Variants in ADAMTS17 observed in about 807,000 individuals in gnomAD.
ADAMTS17 encodes A disintegrin and metalloproteinase with thrombospondin motifs 17.
In ADAMTS17, 113 loss-of-function variants were observed where a neutral mutation model predicts 141.5. That is an observed-to-expected ratio of 0.80 (90% CI 0.69 to 0.93). The LOEUF (loss-of-function observed/expected upper bound fraction) is 0.93. Among genes scored for constraint, ADAMTS17 ranks in the 40% least tolerant of loss-of-function variants. The pLI is 0.00. For synonymous variants in ADAMTS17, 768 were observed against 630.6 expected (o/e 1.22, Z -3.27); for missense variants, 1,659 against 1,517.9 (o/e 1.09, Z -1.54).
chr15:100,176,973 T>C (rs1022955983), intron 8 of ADAMTS17, among the ~76,000 whole-genome samples: 4 of 152,242 alleles, frequency 2.6e-5, no homozygotes, highest in Non-Finnish European at 4.4e-5. Flanking sequence ...CTAGGTGGTA[T>C]TGCATGATAT....
At chr15:100,051,087 G>C (rs938307155) in intron 17 of ADAMTS17, among the ~76,000 whole-genome samples, 2 of 152,168 alleles carry the variant, frequency 1.3e-5, no homozygotes, top group Non-Finnish European at 2.9e-5. Flanking sequence ...GGTCAAGCAG[G>C]AAGTTGTGCA....
intron 3 of ADAMTS17, among the ~76,000 whole-genome samples, chr15:100,301,394 A>G (rs890369989): frequency 5.3e-5 from 8 of 151,608 alleles, no homozygotes; most frequent in African/African-American, 1.2e-4. Flanking sequence ...GTGTAATCTC[A>G]GCTCACTGCA....
At chr15:99,998,859 G>A (rs954815237) in intron 18 of ADAMTS17, among the ~76,000 whole-genome samples, 7 of 152,160 alleles carry the variant, frequency 4.6e-5, no homozygotes, top group African/African-American at 1.7e-4. Context: ...GCTTCCAAGA[G>A]TTCGCCACCT....
chr15:100,316,325 A>G (rs1025608596), intron 3 of ADAMTS17, among the ~76,000 whole-genome samples: 2 of 152,264 alleles, frequency 1.3e-5, no homozygotes, highest in East Asian at 3.9e-4. Context: ...TCTTGCCTAG[A>G]AGCCCACTCC....
At chr15:100,311,559 CGT>C (rs1172079866) in intron 3 of ADAMTS17, among the ~76,000 whole-genome samples, 1 of 152,140 alleles carries the variant, frequency 6.6e-6, no homozygotes, top group Admixed American at 6.5e-5. Flanking sequence ...GTGGGGCGGG[CGT>C]GTGTTGCATA....
At chr15:100,068,653 G>T (rs1264427021) in intron 15 of ADAMTS17, among the ~76,000 whole-genome samples, 1 of 152,204 alleles carries the variant, frequency 6.6e-6, no homozygotes, top group Non-Finnish European at 1.5e-5. Flanking sequence ...GTCTGGAGTG[G>T]ACCTCCAGCA....
intron 11 of ADAMTS17, 77 bp downstream of exon 11, chr15:100,133,137 T>C: frequency 1.5e-6 from 2 of 1,364,588 alleles, no homozygotes; most frequent in Non-Finnish European, 1.0e-6. Flanking sequence ...AGAGTACAGA[T>C]TGTGTGTCAG....
intron 8 of ADAMTS17, among the ~76,000 whole-genome samples, chr15:100,177,651 G>A (rs980220850): frequency 6.6e-6 from 1 of 152,044 alleles, no homozygotes; most frequent in Non-Finnish European, 1.5e-5. Context: ...ATAAATGTCC[G>A]TCGGATCCTG....
At chr15:100,035,971 C>A (rs527828446) in intron 18 of ADAMTS17, among the ~76,000 whole-genome samples, 1 of 152,294 alleles carries the variant, frequency 6.6e-6, no homozygotes, top group African/African-American at 2.4e-5. Flanking sequence ...GGCTCCCTTG[C>A]AAGTGAGAAG....
chr15:100,093,397 T>C (rs751643814), intron 15 of ADAMTS17, among the ~76,000 whole-genome samples: 1 of 152,126 alleles, frequency 6.6e-6, no homozygotes, highest in Non-Finnish European at 1.5e-5. Context: ...CTCTTTGATA[T>C]TCACCGTTAA....
chr15:100,330,829 A>T, intron 3 of ADAMTS17, 60 bp downstream of exon 3: 2 of 1,595,356 alleles, frequency 1.3e-6, no homozygotes, highest in Non-Finnish European at 1.7e-6. Flanking sequence ...ACTTGGAGAC[A>T]CACAAAGGAT....
chr15:100,107,668 C>G (rs1215467803), intron 14 of ADAMTS17, among the ~76,000 whole-genome samples: 3 of 152,094 alleles, frequency 2.0e-5, no homozygotes, highest in Non-Finnish European at 4.4e-5. Flanking sequence ...AAAAGAGACT[C>G]ACAAGAGAGC....
intron 18 of ADAMTS17, among the ~76,000 whole-genome samples, chr15:100,018,854 G>A (rs1327973994): frequency 1.3e-5 from 2 of 152,196 alleles, no homozygotes; most frequent in Non-Finnish European, 2.9e-5. Context: ...ATGTGACTAA[G>A]CCACATTTGG....
At chr15:100,039,878 C>A (rs2031090938) in intron 18 of ADAMTS17, among the ~76,000 whole-genome samples, 1 of 152,046 alleles carries the variant, frequency 6.6e-6, no homozygotes, top group African/African-American at 2.4e-5. Flanking sequence ...CAGTTTTGCT[C>A]CATGTATTTT....
intron 3 of ADAMTS17, among the ~76,000 whole-genome samples, chr15:100,284,239 A>G (rs1370315503): frequency 6.6e-6 from 1 of 151,826 alleles, no homozygotes; most frequent in African/African-American, 2.4e-5. Flanking sequence ...TGCCGTAAAG[A>G]GTGACACACT....
chr15:100,134,596 C>T (rs150654810), intron 10 of ADAMTS17, among the ~76,000 whole-genome samples: 5 of 152,334 alleles, frequency 3.3e-5, no homozygotes, highest in Non-Finnish European at 1.5e-5. Context: ...GTTTAGAGGT[C>T]TGCTCTTCCA....
At chr15:100,234,102 A>C (rs1328032811) in intron 7 of ADAMTS17, among the ~76,000 whole-genome samples, 1 of 152,196 alleles carries the variant, frequency 6.6e-6, no homozygotes, top group African/African-American at 2.4e-5. Context: ...CAAGGGCAGC[A>C]CAGGCCTGGA....
intron 14 of ADAMTS17, among the ~76,000 whole-genome samples, chr15:100,102,330 G>A (rs2036151957): frequency 6.7e-6 from 1 of 149,598 alleles, no homozygotes; most frequent in Non-Finnish European, 1.5e-5. Context: ...TACATTTGAG[G>A]GCCGACCGAA....
At chr15:100,183,900 A>C (rs75455822) in intron 8 of ADAMTS17, among the ~76,000 whole-genome samples, 6,235 of 152,248 alleles carry the variant, frequency 0.041, 318 homozygotes, top group South Asian at 0.16. Flanking sequence ...GCTCCTCTTC[A>C]GTCGCTGCTG....
Sources: gnomAD v4.1 joint callset for allele counts (sites outside exome capture counted in the v4.1 genomes callset) on GRCh38, gnomAD v4.1.1 for gene constraint, MANE v1.5 for transcripts, NCBI Gene and HGNC (gene_info 2026-07-23, HGNC 2026-07-21) for gene names.